TFDP2: variants seen among roughly 807,000 people sequenced by gnomAD.
TFDP2 encodes transcription factor Dp-2 (E2F dimerization partner 2).
TFDP2 carries 17 observed loss-of-function variants against 59.3 expected under a neutral mutation model. The observed-to-expected ratio is 0.29, with a 90% confidence interval of 0.20 to 0.43. The LOEUF (loss-of-function observed/expected upper bound fraction) is 0.43, where lower values mean the gene tolerates loss of function less well. Among genes scored for constraint, TFDP2 ranks in the 20% least tolerant of loss-of-function variants. TFDP2 has a pLI of 1.00. For synonymous variants in TFDP2, 180 were observed against 194.7 expected, an observed-to-expected ratio of 0.92 and a Z score of 0.63; for missense variants, 391 against 528.8, an observed-to-expected ratio of 0.74 and a Z score of 2.56.
rs1225251246 is a variant in TFDP2 at position 141,944,960 on chromosome 3, T to G, written c.*7553A>C. On this transcript the variant is annotated 3_prime_UTR_variant, in exon 13 of 13. Coordinates refer to ENST00000489671, the MANE Select transcript of TFDP2 (RefSeq NM_001178139.2). ...AGATGTGGTGGTTGCATTTTCCTCT[T>G]ATCTCTCTTGTTTAAATTGCTTAAA... The G allele has an allele frequency of 6.6e-6, 1 of 152,232 alleles. No individual in the cohort carries two copies. Among genetic ancestry groups the G allele is most frequent in the Non-Finnish European group, 1.5e-5 (1 of 68,036 alleles). The allele number at this position is 152,232 out of a possible 1,614,324, so 9.4% of individuals were successfully genotyped here. A position where few individuals can be genotyped will look rare whatever the true frequency, so the allele number is the denominator to read the frequency against.
At chr3:142,059,629 G>A (rs147035825) in intron 3 of TFDP2, among the ~76,000 whole-genome samples, 186 of 151,940 alleles carry the variant, frequency 1.2e-3, no homozygotes, top group African/African-American at 4.2e-3. Context: ...ACCCAGGGTG[G>A]AGTGCAATGG....
Position 141,959,845 on chromosome 3 carries a change from A to G in TFDP2, c.885-5T>C. 6.2e-7 allele frequency: 1 copy of G among 1,613,752 alleles called. No individual in the cohort carries two copies. Among genetic ancestry groups the G allele is most frequent in the African/African-American group, 1.3e-5 (1 of 75,046 alleles). ...AAATTGAAAAGATACTCAAACCTGC[A>G]TCAGGAAACAAAGTAAAGGGTTTTT... On this transcript the variant is annotated splice_polypyrimidine_tract_variant and splice_region_variant and intron_variant, in intron 10 of 12. Coordinates refer to ENST00000489671, the MANE Select transcript of TFDP2 (RefSeq NM_001178139.2).
rs77956292 is a variant in TFDP2 at position 142,117,661 on chromosome 3, G to C, written c.-92-15820C>G. ...CTTGATAGCTAATAGACCTGGTGAA[G>C]TGTGTCTTGTGTCTAGAAACTTCTG... On this transcript the variant is annotated intron_variant, in intron 1 of 12. Transcript: ENST00000489671. 3.9e-3 allele frequency among the ~76,000 whole-genome samples: 593 copies of C among 152,308 alleles called. 6 individuals are homozygous for C. The highest frequency in any genetic ancestry group is 0.014 in the African/African-American group (569 of 41,576).
intron 3 of TFDP2, among the ~76,000 whole-genome samples, chr3:142,012,275 G>A (rs747453390): frequency 6.6e-6 from 1 of 152,160 alleles, no homozygotes; most frequent in East Asian, 1.9e-4. Context: ...GCCTCCCAAA[G>A]TGCTGGGATC....
At chr3:141,995,883 C>CAAAAAA (rs146557075) in intron 4 of TFDP2, among the ~76,000 whole-genome samples, 8 of 67,910 alleles carry the variant, frequency 1.2e-4, no homozygotes, top group Admixed American at 1.8e-4. Context: ...AACTCCATTT[C>CAAAAAA]AAAAAAAAAA....
At chr3:142,148,589 T>C (rs73236055) in intron 1 of TFDP2, among the ~76,000 whole-genome samples, 12,865 of 152,176 alleles carry the variant, frequency 0.085, 666 homozygotes, top group Middle Eastern at 0.15. Flanking sequence ...TAAGAGAGAC[T>C]GGGGCGCTCA....
rs768041999 is a variant in TFDP2 at position 141,946,492 on chromosome 3, A to G, written c.*6021T>C. The G allele has an allele frequency of 6.6e-6, 1 of 152,176 alleles. No individual in the cohort carries two copies. Among genetic ancestry groups the G allele is most frequent in the Non-Finnish European group, 1.5e-5 (1 of 68,050 alleles). The allele number at this position is 152,176 out of a possible 1,614,324, so 9.4% of individuals were successfully genotyped here. Reference sequence around the variant, plus strand: ...AATGAGCACTTTCTCCTATCTCAGCACCCTGGTGAATGGGTGTCAGAGAAG... The same window carrying G: ...AATGAGCACTTTCTCCTATCTCAGCGCCCTGGTGAATGGGTGTCAGAGAAG... On this transcript the variant is annotated 3_prime_UTR_variant, in exon 13 of 13. Transcript: ENST00000489671.
At chr3:141,984,059 C>T (rs1390657283) in intron 6 of TFDP2, among the ~76,000 whole-genome samples, 1 of 140,250 alleles carries the variant, frequency 7.1e-6, no homozygotes, top group Admixed American at 7.0e-5. Flanking sequence ...GGAAGCAACC[C>T]AACTGCCCAC....
At chr3:141,996,090 G>C (rs936220916) in intron 4 of TFDP2, among the ~76,000 whole-genome samples, 7 of 151,970 alleles carry the variant, frequency 4.6e-5, no homozygotes, top group Non-Finnish European at 5.9e-5. Flanking sequence ...CCTAAGGCTA[G>C]ACTCCAGAAA....
At chr3:142,047,759 TG>T (rs1947413930) in intron 3 of TFDP2, among the ~76,000 whole-genome samples, 1 of 142,348 alleles carries the variant, frequency 7.0e-6, no homozygotes, top group Non-Finnish European at 1.5e-5. Flanking sequence ...TTTTTTGAGA[TG>T]GAGTTTCGCT....
At chr3:141,973,116 TATATATA>T (rs1445082972) in intron 8 of TFDP2, among the ~76,000 whole-genome samples, 1,433 of 98,800 alleles carry the variant, frequency 0.015, 28 homozygotes, top group African/African-American at 0.039. Flanking sequence ...TATATATATA[TATATATA>T]TTTTTTTTTT....
chr3:142,015,591 T>C (rs1168524426), intron 3 of TFDP2, among the ~76,000 whole-genome samples: 3 of 152,186 alleles, frequency 2.0e-5, no homozygotes, highest in African/African-American at 7.2e-5. Context: ...CCTACTCCTC[T>C]GCTAACACTC....
At chr3:142,139,223 TC>T (rs2062847198) in intron 1 of TFDP2, among the ~76,000 whole-genome samples, 1 of 152,170 alleles carries the variant, frequency 6.6e-6, no homozygotes, top group Non-Finnish European at 1.5e-5. Context: ...GCTTGGTAGA[TC>T]TTCCACCATC....
At chr3:141,987,583 T>C (rs1188421253) in intron 6 of TFDP2, among the ~76,000 whole-genome samples, 2 of 124,618 alleles carry the variant, frequency 1.6e-5, no homozygotes, top group Middle Eastern at 3.7e-3. Context: ...GCGCCTGGCG[T>C]GTGTGTGTGT....
chr3:142,044,661 G>A lies in TFDP2; in HGVS notation c.83-39117C>T, dbSNP rs564318960. Among the ~76,000 whole-genome samples the A allele has an allele frequency of 1.5e-4, 23 of 152,178 alleles. No homozygotes were observed. The South Asian group carries it at 2.1e-3, about 14-fold the overall frequency. ...GCTGGGATTACAGGCGTGAGCCACC[G>A]TGCCCGGCCCTAAATAATTTCTTTT... On this transcript the variant is annotated intron_variant, in intron 3 of 12. Coordinates refer to ENST00000489671, the MANE Select transcript of TFDP2 (RefSeq NM_001178139.2).
intron 1 of TFDP2, among the ~76,000 whole-genome samples, chr3:142,128,717 C>T (rs2062373715): frequency 6.6e-6 from 1 of 151,718 alleles, no homozygotes; most frequent in Non-Finnish European, 1.5e-5. Context: ...GGAAGTAGAA[C>T]AGAAGCAGGG....
intron 3 of TFDP2, among the ~76,000 whole-genome samples, chr3:142,079,781 A>T (rs2060574463): frequency 2.0e-5 from 3 of 152,200 alleles, no homozygotes; most frequent in Admixed American, 2.0e-4. Flanking sequence ...GCCCCAGAAT[A>T]GTATATCCAG....
chr3:141,969,180 C>CATATATATGAGATATATATATAACATAT (rs1939224822), intron 9 of TFDP2, among the ~76,000 whole-genome samples: 1 of 90,590 alleles, frequency 1.1e-5, no homozygotes, highest in South Asian at 3.2e-4. Context: ...ATATATATCT[C>CATATATATGAGATATATATATAACATAT]ATATATATGA....
At chr3:141,954,094 A>G (rs1450768121) in intron 11 of TFDP2, among the ~76,000 whole-genome samples, 2 of 152,052 alleles carry the variant, frequency 1.3e-5, no homozygotes, top group African/African-American at 2.4e-5. Flanking sequence ...CGGGAGGCGG[A>G]GGTTGCAGTG....
Sources: gnomAD v4.1 joint callset for allele counts (sites outside exome capture counted in the v4.1 genomes callset) on GRCh38, gnomAD v4.1.1 for gene constraint, MANE v1.5 for transcripts, NCBI Gene and HGNC (gene_info 2026-07-23, HGNC 2026-07-21) for gene names.